Variants in COG5 observed in about 807,000 individuals in gnomAD.
COG5 encodes the protein conserved oligomeric Golgi complex subunit 5.
In COG5, 86 loss-of-function variants were observed where a neutral mutation model predicts 110.4. The observed-to-expected ratio is 0.78, with a 90% CI of 0.65 to 0.93. The LOEUF (loss-of-function observed/expected upper bound fraction) is 0.93, where lower values mean the gene tolerates loss of function less well. Among genes scored for constraint, COG5 ranks in the 40% least tolerant of loss-of-function variants. The pLI, the probability that COG5 is intolerant of heterozygous loss-of-function variation, is 0.00. For synonymous variants in COG5, 360 were observed against 334.6 expected (o/e 1.08, Z -0.83); for missense variants, 1,077 against 987.0 (o/e 1.09, Z -1.22).
chr7:107,437,048 C>T (rs1248048158), intron 6 of COG5, among the ~76,000 whole-genome samples: 4 of 152,142 alleles, frequency 2.6e-5, no homozygotes, highest in African/African-American at 4.8e-5. Context: ...ATTTCAACTT[C>T]ACCATTTACC....
intron 6 of COG5, among the ~76,000 whole-genome samples, chr7:107,413,275 G>A (rs951312815): frequency 6.6e-6 from 1 of 151,774 alleles, no homozygotes; most frequent in African/African-American, 2.4e-5. Flanking sequence ...TTGACCTCTT[G>A]AGTAGCTGGG....
chr7:107,259,257 T>C (rs1429973092), intron 14 of COG5, among the ~76,000 whole-genome samples: 2 of 152,148 alleles, frequency 1.3e-5, no homozygotes, highest in Non-Finnish European at 2.9e-5. Flanking sequence ...TATAACCAGG[T>C]TAAACAACTC....
intron 7 of COG5, among the ~76,000 whole-genome samples, chr7:107,393,697 A>G (rs187628265): frequency 1.7e-4 from 26 of 152,314 alleles, no homozygotes; most frequent in Non-Finnish European, 3.4e-4. Context: ...CAGCTGAGAT[A>G]TGTTCTCTGG....
At chr7:107,327,121 G>C (rs1809833856) in intron 10 of COG5, among the ~76,000 whole-genome samples, 1 of 151,956 alleles carries the variant, frequency 6.6e-6, no homozygotes, top group African/African-American at 2.4e-5. Context: ...ATGGAGTAGA[G>C]AGACAAAAAA....
At chr7:107,350,569 T>A (rs2129041093) in intron 10 of COG5, among the ~76,000 whole-genome samples, 1 of 152,342 alleles carries the variant, frequency 6.6e-6, no homozygotes, top group East Asian at 1.9e-4. Flanking sequence ...TTATTTTTTC[T>A]GCTCTCATTC....
chr7:107,478,127 T>A (rs1365423912), intron 6 of COG5, among the ~76,000 whole-genome samples: 1 of 152,022 alleles, frequency 6.6e-6, no homozygotes, highest in South Asian at 2.1e-4. Flanking sequence ...TAGCCCTTAG[T>A]AGGGCTTATT....
intron 11 of COG5, among the ~76,000 whole-genome samples, chr7:107,305,822 A>G (rs1417135611): frequency 6.6e-6 from 1 of 151,984 alleles, no homozygotes; most frequent in East Asian, 1.9e-4. Context: ...TGTGCAAGCA[A>G]AGAAGGCAAT....
In COG5 at chr7:107,311,274, A is replaced by T. The variant is rs142077367; in HGVS notation, c.1109-12928T>A. ...GGCTTGCCAATAGAGTATGTTATCA[A>T]ACTTTTTGATTTTTTGCTGATTTGA... On this transcript the variant is annotated intron_variant, in intron 11 of 21. Coordinates refer to ENST00000297135, the MANE Select transcript of COG5 (RefSeq NM_006348.5). Among the ~76,000 whole-genome samples the T allele has an allele frequency of 7.4e-3, 1,122 of 151,766 alleles. 15 individuals carry two copies. The highest frequency in any genetic ancestry group is 0.023 in the African/African-American group (974 of 41,460).
At chr7:107,523,540 C>T (rs908853056) in intron 6 of COG5, among the ~76,000 whole-genome samples, 1 of 151,948 alleles carries the variant, frequency 6.6e-6, no homozygotes, top group East Asian at 1.9e-4. Flanking sequence ...ATTGGCTGGG[C>T]GCGGTGGTTC....
At chr7:107,441,072 T>C (rs1236726660) in intron 6 of COG5, among the ~76,000 whole-genome samples, 6 of 150,752 alleles carry the variant, frequency 4.0e-5, no homozygotes, top group Non-Finnish European at 8.9e-5. Flanking sequence ...TCTAACACAG[T>C]GAAACCCCGT....
intron 6 of COG5, among the ~76,000 whole-genome samples, chr7:107,509,095 C>G (rs1799278440): frequency 6.6e-6 from 1 of 152,036 alleles, no homozygotes; most frequent in African/African-American, 2.4e-5. Flanking sequence ...GATCAAACTA[C>G]TCTGAGCTAA....
At chr7:107,554,849 T>C (rs755172807) in intron 2 of COG5, among the ~76,000 whole-genome samples, 3 of 152,074 alleles carry the variant, frequency 2.0e-5, no homozygotes, top group Non-Finnish European at 4.4e-5. Flanking sequence ...CTTAATACTA[T>C]CATATTGGAG....
intron 6 of COG5, among the ~76,000 whole-genome samples, chr7:107,438,850 C>T (rs1392406501): frequency 2.0e-5 from 3 of 152,176 alleles, no homozygotes; most frequent in Non-Finnish European, 2.9e-5. Flanking sequence ...CTAACAGAAA[C>T]TTGGCTCTCC....
intron 10 of COG5, among the ~76,000 whole-genome samples, chr7:107,344,380 G>A (rs868709572): frequency 2.6e-5 from 4 of 152,006 alleles, no homozygotes; most frequent in Admixed American, 6.6e-5. Context: ...GTGCAGCTTC[G>A]TCACCTACCT....
chr7:107,202,536 C>CTGAT lies in COG5; in HGVS notation c.*976_*979dup, dbSNP rs148980521. 4.9e-4 allele frequency: 75 copies of CTGAT among 152,448 alleles called. 2 individuals carry two copies. Among genetic ancestry groups the CTGAT allele is most frequent in the East Asian group, 2.1e-3 (11 of 5,164 alleles). The allele number at this position is 152,448 out of a possible 1,614,324, so 9.4% of individuals were successfully genotyped here. ...AAAAGTTGCTTATCTCTGACGTCTA[C>CTGAT]TGATTGATTGATTGATTGATTAATC... On this transcript the variant is annotated 3_prime_UTR_variant, in exon 22 of 22. Coordinates refer to ENST00000297135, the MANE Select transcript of COG5 (RefSeq NM_006348.5).
chr7:107,499,408 ATT>A (rs35466632), intron 6 of COG5, among the ~76,000 whole-genome samples: 6 of 145,762 alleles, frequency 4.1e-5, no homozygotes, highest in South Asian at 4.4e-4. Context: ...AGAGGAGTAA[ATT>A]TTTTTTTTTT....
At chr7:107,551,939 A>T (rs1196921657) in intron 3 of COG5, among the ~76,000 whole-genome samples, 1 of 152,190 alleles carries the variant, frequency 6.6e-6, no homozygotes, top group Non-Finnish European at 1.5e-5. Context: ...TTTTATGTTC[A>T]AATAATCTAG....
In COG5 at chr7:107,562,505, C is replaced by A. The variant is rs73724526; in HGVS notation, c.94+1298G>T. Among the ~76,000 whole-genome samples the A allele has an allele frequency of 1.6e-3, 251 of 152,290 alleles. 2 individuals are homozygous for A. The highest frequency in any genetic ancestry group is 5.7e-3 in the African/African-American group (235 of 41,556). On this transcript the variant is annotated intron_variant, in intron 1 of 21. Coordinates refer to ENST00000297135, the MANE Select transcript of COG5 (RefSeq NM_006348.5). ...ACTGCTATCTTACATCACTATATTA[C>A]AGCACCTACCTTTATAGTCTACAAG...
chr7:107,362,029 A>G lies in COG5; in HGVS notation c.1026+4T>C, dbSNP rs748372051. 1.5e-5 allele frequency: 23 copies of G among 1,579,576 alleles called. No homozygotes were observed. The highest frequency in any genetic ancestry group is 1.9e-5 in the Non-Finnish European group (22 of 1,151,340). ...GATGTAAAAATATTTTCCTTTAAAC[A>G]TACCTTAACTATTTCTTCAATGAAA... On this transcript the variant is annotated splice_donor_region_variant and intron_variant, in intron 10 of 21. Transcript: ENST00000297135.
Sources: allele counts gnomAD v4.1 joint callset (sites outside exome capture counted in the v4.1 genomes callset), GRCh38; gene constraint gnomAD v4.1.1; transcripts MANE v1.5; gene names NCBI Gene and HGNC (gene_info 2026-07-23, HGNC 2026-07-21).